Variants in ZNF790 observed in about 807,000 individuals in gnomAD.
ZNF790 encodes the protein zinc finger protein 790.
In ZNF790, 8 loss-of-function variants were observed where a neutral mutation model predicts 12.1. That is an observed-to-expected ratio of 0.66 (90% CI 0.39 to 1.19). ZNF790 has a LOEUF of 1.19. Ranked by LOEUF, ZNF790 falls within the 50% of genes most tolerant of loss-of-function variation. The pLI is 0.01. For missense variants in ZNF790, 707 were observed against 752.2 expected, an observed-to-expected ratio of 0.94 and a Z score of 0.70; for synonymous variants, 252 against 244.3, an observed-to-expected ratio of 1.03 and a Z score of -0.29.
Position 36,819,392 on chromosome 19 carries a change from C to A in ZNF790, c.952G>T (p.Ala318Ser), listed in dbSNP as rs751242306. Reference sequence around the variant, plus strand: ...ATAAGATGTGATCGCTGACTAAAGGCCTTTCTACATTCATTACATTCATAG... The same window carrying A: ...ATAAGATGTGATCGCTGACTAAAGGACTTTCTACATTCATTACATTCATAG... ...KPYECNECRK[A>S]FSQRSHLIKH... The change falls in exon 5 of 5, where the codon GCC (alanine) becomes TCC (serine). Residue 318 changes from alanine to serine, a missense_variant. Transcript: ENST00000356725. 6.2e-7 allele frequency: 1 copy of A among 1,612,804 alleles called. No individual in the cohort carries two copies. Among genetic ancestry groups the A allele is most frequent in the South Asian group, 1.1e-5 (1 of 91,012 alleles).
rs752191768 is a variant in ZNF790 at position 36,819,379 on chromosome 19, C to T, written c.965G>A (p.Arg322Gln). The stretch of plus-strand genomic sequence containing the variant: ...TCTCTGATGTTTAATAAGATGTGAT[C>T]GCTGACTAAAGGCCTTTCTACATTC... ...CNECRKAFSQ[R>Q]SHLIKHQRIH... is the part of the protein sequence containing the mutation. Residue 322 changes from arginine (R) to glutamine (Q), a missense_variant, in exon 5 of 5, where the codon CGA (arginine) becomes CAA (glutamine). Physicochemically the swap from Arg to Gln is conservative, Grantham distance 43. Coordinates refer to ENST00000356725, the MANE Select transcript of ZNF790 (RefSeq NM_206894.4). 9 of 1,613,120 alleles carry T rather than the reference C, an allele frequency of 5.6e-6. No individual in the cohort carries two copies. The highest frequency in any genetic ancestry group is 5.9e-6 in the Non-Finnish European group (7 of 1,179,490).
upstream of ZNF790, among the ~76,000 whole-genome samples, chr19:36,843,021 A>AC (rs2072143973): frequency 6.6e-6 from 1 of 151,836 alleles, no homozygotes; most frequent in Admixed American, 6.6e-5. Context: ...AAAAAAAAAA[A>AC]AGACATGAAG....
chr19:36,839,816 A>G (rs1028823275), upstream of ZNF790, among the ~76,000 whole-genome samples: 2 of 151,862 alleles, frequency 1.3e-5, no homozygotes, highest in African/African-American at 4.8e-5. Context: ...TAATCCCAGC[A>G]CTTTGGGAGG....
At chr19:36,837,729 GGTT>G (rs1272523072) in intron 1 of ZNF790, 2 of 151,694 alleles carry the variant, frequency 1.3e-5, no homozygotes, top group Admixed American at 6.6e-5. Flanking sequence ...GTTGATGGGT[GGTT>G]GTTCCCCAGC....
intron 4 of ZNF790, among the ~76,000 whole-genome samples, chr19:36,822,615 A>C (rs1364351108): frequency 6.6e-6 from 1 of 152,228 alleles, no homozygotes. Flanking sequence ...GTCTTGGCTC[A>C]CTGCAACTTC....
At chr19:36,845,421 A>G (rs1450536758) in intron 1 of ZNF790, among the ~76,000 whole-genome samples, 1 of 152,036 alleles carries the variant, frequency 6.6e-6, no homozygotes, top group Non-Finnish European at 1.5e-5. Context: ...CAAAAAAAAA[A>G]AAAATTAGTA....
intron 1 of ZNF790, among the ~76,000 whole-genome samples, chr19:36,826,026 C>T (rs1329715997): frequency 6.6e-6 from 1 of 152,194 alleles, no homozygotes; most frequent in Non-Finnish European, 1.5e-5. Flanking sequence ...TGCTCAAATT[C>T]ACTATTAGGA....
At chr19:36,845,039 C>G (rs1429169228) in intron 1 of ZNF790, among the ~76,000 whole-genome samples, 3 of 98,558 alleles carry the variant, frequency 3.0e-5, no homozygotes, top group Non-Finnish European at 5.6e-5. Flanking sequence ...CAGAGCGAGA[C>G]TCCGTCTCAA....
chr19:36,822,818 G>A (rs559956328), intron 4 of ZNF790, among the ~76,000 whole-genome samples: 2 of 151,888 alleles, frequency 1.3e-5, no homozygotes, highest in African/African-American at 4.8e-5. Flanking sequence ...GCAATTACAG[G>A]CGTGAGCCAC....
chr19:36,848,584 G>A (rs1013995089), intron 1 of ZNF790, among the ~76,000 whole-genome samples: 3 of 152,200 alleles, frequency 2.0e-5, no homozygotes, highest in African/African-American at 7.2e-5. Flanking sequence ...GCCACATTAG[G>A]TATAGATCGC....
chr19:36,825,575 G>T, intron 2 of ZNF790, 36 bp downstream of exon 2: 1 of 1,600,116 alleles, frequency 6.2e-7, no homozygotes, highest in Non-Finnish European at 8.6e-7. Flanking sequence ...TGATATAAAT[G>T]GGTTATATTT....
Position 36,819,126 on chromosome 19 carries a change from G to A in ZNF790, c.1218C>T (p.Ser406=). The change falls in exon 5 of 5, where the codon AGC becomes AGT. Residue 406 remains serine, a synonymous_variant. Transcript: ENST00000356725. The stretch of plus-strand genomic sequence containing the variant: ...TTCGCTGATGTCGAGCAAGGTGTGA[G>A]CTCCAAATATAGGCTTTCCCACATT... ...CEKCGKAYIW[S]SHLARHQRIH... is the part of the protein sequence containing the mutation. 1 of 1,613,468 alleles carries A rather than the reference G, an allele frequency of 6.2e-7. No individual in the cohort carries two copies. The highest frequency in any genetic ancestry group is 8.5e-7 in the Non-Finnish European group (1 of 1,179,734).
At chr19:36,834,614 GAACTTTT>G (rs796970041) in intron 1 of ZNF790, among the ~76,000 whole-genome samples, 83 of 152,276 alleles carry the variant, frequency 5.5e-4, no homozygotes, top group African/African-American at 1.9e-3. Flanking sequence ...CTGTTGATGG[GAACTTTT>G]AACTGGTTCA....
chr19:36,847,761 AAAG>A (rs2072193913), intron 1 of ZNF790, among the ~76,000 whole-genome samples: 2 of 151,448 alleles, frequency 1.3e-5, no homozygotes, highest in Admixed American at 1.3e-4. Context: ...AAAAAAAAAA[AAAG>A]AAGTGGAGCC....
intron 4 of ZNF790, among the ~76,000 whole-genome samples, chr19:36,822,759 C>T (rs1294108068): frequency 2.6e-5 from 4 of 151,286 alleles, no homozygotes; most frequent in Admixed American, 6.6e-5. Context: ...AGGCTGGTCT[C>T]GAACTCCTGA....
At chr19:36,836,547 A>G (rs2072049911) in intron 1 of ZNF790, among the ~76,000 whole-genome samples, 1 of 152,034 alleles carries the variant, frequency 6.6e-6, no homozygotes, top group Non-Finnish European at 1.5e-5. Context: ...TCACAAAGTC[A>G]AGAGATCGAG....
chr19:36,825,613 G>A lies in ZNF790; in HGVS notation c.7C>T (p.His3Tyr). Residue 3 changes from histidine (H) to tyrosine (Y), a missense_variant and splice_region_variant, in exon 2 of 5, where the codon CAT becomes TAT. Physicochemically the swap from His to Tyr is moderately conservative, Grantham distance 83 (BLOSUM62 2). Transcript: ENST00000356725. ...GGAGAGAGGCAATTCCAACTCACAT[G>A]GGCCATGACTTAACATTCCAAGTCC... MA[H>Y]LMMFRDVAVD... 1.2e-6 allele frequency: 2 copies of A among 1,614,010 alleles called. No homozygotes were observed. Among genetic ancestry groups the A allele is most frequent in the African/African-American group, 2.7e-5 (2 of 75,020 alleles).
intron 1 of ZNF790, among the ~76,000 whole-genome samples, chr19:36,826,622 A>ATATG (rs2071807933): frequency 2.0e-5 from 3 of 146,468 alleles, no homozygotes; most frequent in African/African-American, 5.0e-5. Context: ...ATAATTATCT[A>ATATG]TAATTATATA....
At chr19:36,844,433 AG>A (rs1282887299) in intron 1 of ZNF790, among the ~76,000 whole-genome samples, 1 of 152,146 alleles carries the variant, frequency 6.6e-6, no homozygotes, top group Non-Finnish European at 1.5e-5. Flanking sequence ...TAGAGTAAGT[AG>A]GCAAGGACTT....
Sources: allele counts gnomAD v4.1 joint callset (sites outside exome capture counted in the v4.1 genomes callset), GRCh38; gene constraint gnomAD v4.1.1; transcripts MANE v1.5; gene names NCBI Gene and HGNC (gene_info 2026-07-23, HGNC 2026-07-21).